CAMK1D: variants seen among roughly 807,000 people sequenced by gnomAD.
CAMK1D encodes calcium/calmodulin-dependent protein kinase type 1D.
In CAMK1D, 9 loss-of-function variants were observed where a neutral mutation model predicts 47.7. The observed-to-expected ratio is 0.19, with a 90% CI of 0.11 to 0.33. The LOEUF (loss-of-function observed/expected upper bound fraction) is 0.33, where lower values mean the gene tolerates loss of function less well. Ranked by LOEUF, CAMK1D falls within the 10% of genes least tolerant of loss-of-function variation. The pLI is 1.00. For missense variants in CAMK1D, 291 were observed against 488.7 expected (o/e 0.60, Z 3.81); for synonymous variants, 184 against 184.9 (o/e 0.99, Z 0.04).
At chr10:12,804,937 C>CAAAAAAAAAAAAAAAAAA (rs145584740) in intron 6 of CAMK1D, among the ~76,000 whole-genome samples, 1 of 51,058 alleles carries the variant, frequency 2.0e-5, no homozygotes, top group African/African-American at 8.3e-5. Flanking sequence ...GACCCTGTCT[C>CAAAAAAAAAAAAAAAAAA]AAAAAAAAAA....
chr10:12,726,298 C>T (rs915470471), intron 3 of CAMK1D, among the ~76,000 whole-genome samples: 1 of 151,914 alleles, frequency 6.6e-6, no homozygotes, highest in Non-Finnish European at 1.5e-5. Flanking sequence ...GTGGCACGCA[C>T]CTGTAGTCCC....
intron 1 of CAMK1D, among the ~76,000 whole-genome samples, chr10:12,458,096 A>T (rs1010754716): frequency 5.3e-5 from 8 of 152,076 alleles, no homozygotes; most frequent in Non-Finnish European, 1.0e-4. Context: ...GGTTGACTGC[A>T]TTTCTTAGCT....
chr10:12,715,548 T>G (rs1834094308), intron 3 of CAMK1D, among the ~76,000 whole-genome samples: 1 of 152,242 alleles, frequency 6.6e-6, no homozygotes. Context: ...AAGGCTCAAA[T>G]TATTTGTGGG....
chr10:12,407,165 C>T (rs530546981), intron 1 of CAMK1D, among the ~76,000 whole-genome samples: 23 of 152,354 alleles, frequency 1.5e-4, no homozygotes, highest in African/African-American at 4.6e-4. Flanking sequence ...TCATGCCCTG[C>T]GTTCATGGCC....
intron 6 of CAMK1D, among the ~76,000 whole-genome samples, chr10:12,813,211 C>A (rs563851163): frequency 6.6e-6 from 1 of 152,154 alleles, no homozygotes; most frequent in Non-Finnish European, 1.5e-5. Flanking sequence ...AGGCTTACAA[C>A]GTCTGTCAGC....
chr10:12,409,247 A>T (rs1839567613), intron 1 of CAMK1D, among the ~76,000 whole-genome samples: 1 of 152,092 alleles, frequency 6.6e-6, no homozygotes, highest in African/African-American at 2.4e-5. Context: ...TTGAGCAGGC[A>T]CCGAGACCCC....
At chr10:12,741,730 C>G (rs978440237) in intron 3 of CAMK1D, among the ~76,000 whole-genome samples, 2 of 152,096 alleles carry the variant, frequency 1.3e-5, no homozygotes, top group African/African-American at 4.8e-5. Context: ...TACGCATCTG[C>G]CGGGAAGGGA....
At chr10:12,523,025 A>G (rs1258955806) in intron 1 of CAMK1D, among the ~76,000 whole-genome samples, 12 of 150,884 alleles carry the variant, frequency 8.0e-5, no homozygotes, top group African/African-American at 2.7e-4. Flanking sequence ...CTCACTTCCC[A>G]GACGGGGTGG....
intron 1 of CAMK1D, among the ~76,000 whole-genome samples, chr10:12,502,304 C>A (rs1407345655): frequency 1.3e-5 from 2 of 152,262 alleles, no homozygotes; most frequent in East Asian, 3.9e-4. Context: ...GAGAACCCAG[C>A]CAGGGAATGG....
At chr10:12,702,264 TGAGGTCAACCTC>T (rs1833550731) in intron 3 of CAMK1D, among the ~76,000 whole-genome samples, 1 of 152,168 alleles carries the variant, frequency 6.6e-6, no homozygotes, top group Admixed American at 6.5e-5. Context: ...GTCTAAGCTC[TGAGGTCAACCTC>T]GAGGAGGTGA....
At chr10:12,543,741 G>T (rs1439151476) in intron 1 of CAMK1D, among the ~76,000 whole-genome samples, 1 of 152,182 alleles carries the variant, frequency 6.6e-6, no homozygotes, top group East Asian at 1.9e-4. Flanking sequence ...CATTCCCAGA[G>T]CCCAGCCCAC....
rs920819599 is a variant in CAMK1D, at chr10:12,557,376, C to T, written c.224+4020C>T. On this transcript the variant is annotated intron_variant, in intron 2 of 10. Coordinates refer to ENST00000619168, the MANE Select transcript of CAMK1D (RefSeq NM_153498.4). ...AATCCTGGCTAATACGGTGAAACCCCGTCTCTACTAAAAATACACAAAAAA... is the reference window on the plus strand; with the variant it reads ...AATCCTGGCTAATACGGTGAAACCCTGTCTCTACTAAAAATACACAAAAAA... 8.6e-5 allele frequency among the ~76,000 whole-genome samples: 13 copies of T among 151,850 alleles called. No individual in the cohort carries two copies. In the East Asian group the frequency reaches 1.2e-3, roughly 14 times the overall value.
rs117539288 is a variant in CAMK1D at position 12,742,166 on chromosome 10, C to T, written c.300-18782C>T. 2.7e-3 allele frequency among the ~76,000 whole-genome samples: 410 copies of T among 152,328 alleles called. 5 individuals are homozygous for T. The East Asian group carries it at 0.037, about 14-fold the overall frequency. On this transcript the variant is annotated intron_variant, in intron 3 of 10. Coordinates refer to ENST00000619168, the MANE Select transcript of CAMK1D (RefSeq NM_153498.4). ...GTATATATATTTTTAGACAGGGTCT[C>T]GCTCTGTTGCCCAGGCTGGAGTGCA...
intron 1 of CAMK1D, among the ~76,000 whole-genome samples, chr10:12,465,807 T>C (rs1833572721): frequency 6.6e-6 from 1 of 152,226 alleles, no homozygotes; most frequent in African/African-American, 2.4e-5. Flanking sequence ...TCTGGGAGGC[T>C]AAATGCAAAG....
At chr10:12,702,283 G>A (rs1250913840) in intron 3 of CAMK1D, among the ~76,000 whole-genome samples, 3 of 152,206 alleles carry the variant, frequency 2.0e-5, no homozygotes, top group African/African-American at 7.2e-5. Flanking sequence ...CCTCGAGGAG[G>A]TGAGGTTGTT....
intron 3 of CAMK1D, among the ~76,000 whole-genome samples, chr10:12,691,925 G>T (rs1221831028): frequency 1.3e-5 from 2 of 152,130 alleles, no homozygotes; most frequent in African/African-American, 4.8e-5. Context: ...TGGTATAAAT[G>T]TTGAGGTGGC....
chr10:12,764,753 A>G (rs1189112066), intron 4 of CAMK1D, among the ~76,000 whole-genome samples: 1 of 152,148 alleles, frequency 6.6e-6, no homozygotes, highest in Non-Finnish European at 1.5e-5. Context: ...CCCCTTTTCT[A>G]AGCTTGACAG....
At chr10:12,614,500 T>C (rs1303198070) in intron 2 of CAMK1D, among the ~76,000 whole-genome samples, 1 of 152,254 alleles carries the variant, frequency 6.6e-6, no homozygotes, top group African/African-American at 2.4e-5. Context: ...TATTACAAAG[T>C]GCTAAATACG....
chr10:12,779,443 T>C (rs1316193341), intron 5 of CAMK1D, among the ~76,000 whole-genome samples: 1 of 152,140 alleles, frequency 6.6e-6, no homozygotes, highest in Non-Finnish European at 1.5e-5. Flanking sequence ...TTATCTTTTC[T>C]TTTTTCAAGA....
Sources: allele counts gnomAD v4.1 joint callset (sites outside exome capture counted in the v4.1 genomes callset), GRCh38; gene constraint gnomAD v4.1.1; transcripts MANE v1.5; gene names NCBI Gene and HGNC (gene_info 2026-07-23, HGNC 2026-07-21).